CEP112: variants seen among roughly 807,000 people sequenced by gnomAD.
The protein encoded by CEP112 is centrosomal protein of 112 kDa.
A neutral mutation model predicts 153.0 loss-of-function variants in CEP112; 127 were observed. That is an observed-to-expected ratio of 0.83 (90% CI 0.72 to 0.96). The LOEUF (loss-of-function observed/expected upper bound fraction) is 0.96, where lower values mean the gene tolerates loss of function less well. Among genes scored for constraint, CEP112 ranks in the 40% least tolerant of loss-of-function variants. CEP112 has a pLI of 0.00. For missense variants in CEP112, 1,089 were observed against 1,101.2 expected (o/e 0.99, Z 0.16); for synonymous variants, 358 against 374.4 (o/e 0.96, Z 0.51).
At chr17:66,013,893 G>A (rs1377115234) in intron 16 of CEP112, among the ~76,000 whole-genome samples, 1 of 152,006 alleles carries the variant, frequency 6.6e-6, no homozygotes, top group East Asian at 1.9e-4. Flanking sequence ...CATAGCAGTG[G>A]ATTTCTGGCT....
intron 17 of CEP112, among the ~76,000 whole-genome samples, chr17:65,994,324 G>A (rs2063705891): frequency 6.6e-6 from 1 of 152,042 alleles, no homozygotes; most frequent in African/African-American, 2.4e-5. Flanking sequence ...ACATCATTTG[G>A]CTTCTTTTTG....
At chr17:65,969,799 T>C (rs544704617) in intron 17 of CEP112, among the ~76,000 whole-genome samples, 49 of 151,890 alleles carry the variant, frequency 3.2e-4, no homozygotes, top group African/African-American at 1.1e-3. Flanking sequence ...TGCATGCGCA[T>C]CACATGTATA....
intron 20 of CEP112, among the ~76,000 whole-genome samples, chr17:65,895,437 T>A (rs12942510): frequency 0.33 from 50,319 of 151,814 alleles, 10,450 homozygotes; most frequent in Middle Eastern, 0.47. Context: ...TCAAACTGGA[T>A]ATCAAGCAGC....
intron 21 of CEP112, among the ~76,000 whole-genome samples, chr17:65,814,565 G>T (rs1321777731): frequency 6.6e-6 from 1 of 152,160 alleles, no homozygotes; most frequent in Admixed American, 6.6e-5. Context: ...TTGGCCATTT[G>T]TATTATTAGT....
At chr17:65,640,089 T>C (rs2045029894) in intron 25 of CEP112, among the ~76,000 whole-genome samples, 2 of 147,780 alleles carry the variant, frequency 1.4e-5, no homozygotes, top group Non-Finnish European at 3.0e-5. Context: ...CTGCCCGCTG[T>C]GGCCTCCCAA....
chr17:66,136,342 C>T (rs1316432922), intron 4 of CEP112, among the ~76,000 whole-genome samples: 3 of 152,076 alleles, frequency 2.0e-5, no homozygotes, highest in African/African-American at 7.2e-5. Context: ...AACATTCTGG[C>T]TTTTGGAAGG....
At chr17:66,040,701 G>A (rs1050017381) in intron 12 of CEP112, among the ~76,000 whole-genome samples, 4 of 108,210 alleles carry the variant, frequency 3.7e-5, no homozygotes, top group African/African-American at 7.6e-5. Flanking sequence ...ATGTTGGCCA[G>A]GCTGTCTCAA....
chr17:65,976,295 C>A (rs1001074256), intron 17 of CEP112, among the ~76,000 whole-genome samples: 18 of 152,200 alleles, frequency 1.2e-4, no homozygotes, highest in African/African-American at 4.3e-4. Context: ...CTATAGGATT[C>A]TTCTATCTTC....
At chr17:65,871,571 A>T (rs1013305474) in intron 20 of CEP112, among the ~76,000 whole-genome samples, 2 of 152,138 alleles carry the variant, frequency 1.3e-5, no homozygotes, top group African/African-American at 4.8e-5. Flanking sequence ...GGAGGCGGAG[A>T]TTACAGTGAG....
intron 18 of CEP112, among the ~76,000 whole-genome samples, chr17:65,929,647 C>G (rs1048734514): frequency 1.3e-5 from 2 of 151,786 alleles, no homozygotes; most frequent in African/African-American, 4.8e-5. Flanking sequence ...TTTGTAATGT[C>G]TCTCCTGCAG....
chr17:65,927,536 T>G (rs1389304233), intron 19 of CEP112, 46 bp downstream of exon 19: 1 of 1,017,574 alleles, frequency 9.8e-7, no homozygotes, highest in Non-Finnish European at 1.5e-6. Context: ...ATAAATCATA[T>G]ATGTATTTTA....
At chr17:66,182,256 T>C (rs2072750887) in intron 2 of CEP112, 1 of 152,236 alleles carries the variant, frequency 6.6e-6, no homozygotes, top group Non-Finnish European at 1.5e-5. Context: ...GCTATTGCTG[T>C]TAATCTCATA....
chr17:65,821,875 G>A (rs1238140724), intron 21 of CEP112, among the ~76,000 whole-genome samples: 3 of 151,750 alleles, frequency 2.0e-5, no homozygotes, highest in East Asian at 1.9e-4. Context: ...TTAAAAAAAC[G>A]TTTAAAATGT....
chr17:65,734,134 G>C (rs956832467), intron 23 of CEP112, among the ~76,000 whole-genome samples: 2 of 152,186 alleles, frequency 1.3e-5, no homozygotes, highest in Non-Finnish European at 2.9e-5. Context: ...AGGGATTGTG[G>C]GTCAGCACTG....
intron 17 of CEP112, among the ~76,000 whole-genome samples, chr17:65,970,013 T>C (rs550825225): frequency 5.9e-5 from 9 of 152,278 alleles, no homozygotes; most frequent in African/African-American, 2.2e-4. Context: ...CACATGTGTA[T>C]TGCGAACATG....
intron 24 of CEP112, among the ~76,000 whole-genome samples, chr17:65,653,201 AT>A (rs1229318456): frequency 6.6e-6 from 1 of 152,154 alleles, no homozygotes; most frequent in Non-Finnish European, 1.5e-5. Flanking sequence ...GTGCATATGA[AT>A]TTTCTCAGAT....
At chr17:65,914,365 A>G (rs973308914) in intron 19 of CEP112, among the ~76,000 whole-genome samples, 1 of 151,784 alleles carries the variant, frequency 6.6e-6, no homozygotes, top group African/African-American at 2.4e-5. Flanking sequence ...ACCTGGTTAT[A>G]AACTCTTCCA....
Position 66,175,057 on chromosome 17 carries a change from T to C in CEP112, c.457A>G (p.Thr153Ala). The stretch of plus-strand genomic sequence containing the variant: ...CTCTTTACATACCTGTAGACATCAG[T>C]TGGCGACTGTACTAAAGTGTTATCT... ...GEDNTLVQSP[T>A]DVYSREQYTG... Residue 153 changes from threonine (T) to alanine (A), a missense_variant, in exon 4 of 27, where the codon ACT becomes GCT. Physicochemically the swap from Thr to Ala is moderately conservative, Grantham distance 58. Coordinates refer to ENST00000535342, the MANE Select transcript of CEP112 (RefSeq NM_001199165.4). The C allele has an allele frequency of 1.2e-6, 2 of 1,604,016 alleles. No homozygotes were observed. The highest frequency in any genetic ancestry group is 1.7e-6 in the Non-Finnish European group (2 of 1,175,508).
chr17:66,042,842 TAA>T (rs35292118), intron 12 of CEP112, among the ~76,000 whole-genome samples: 1 of 151,716 alleles, frequency 6.6e-6, no homozygotes, highest in East Asian at 1.9e-4. Context: ...CTAAAACTAT[TAA>T]AAAAAAGTGT....
Sources: gnomAD v4.1 joint callset for allele counts (sites outside exome capture counted in the v4.1 genomes callset) on GRCh38, gnomAD v4.1.1 for gene constraint, MANE v1.5 for transcripts, NCBI Gene and HGNC (gene_info 2026-07-23, HGNC 2026-07-21) for gene names.